NEBL: variants seen among roughly 807,000 people sequenced by gnomAD.
The protein encoded by NEBL is LIM and SH3 protein 2.
A neutral mutation model predicts 140.2 loss-of-function variants in NEBL; 122 were observed. That is an observed-to-expected ratio of 0.87 (90% CI 0.75 to 1.01). The LOEUF (loss-of-function observed/expected upper bound fraction) is 1.01, where lower values mean the gene tolerates loss of function less well. NEBL is among the 50% of genes least tolerant of loss of function. The pLI is 0.00. For missense variants in NEBL, 1,365 were observed against 1,231.3 expected (o/e 1.11, Z -1.62); for synonymous variants, 436 against 398.9 (o/e 1.09, Z -1.11).
chr10:21,055,844 G>A (rs2119242), intron 2 of NEBL, among the ~76,000 whole-genome samples: 19,303 of 152,194 alleles, frequency 0.13, 1,502 homozygotes, highest in East Asian at 0.26. Flanking sequence ...GCGTGAGAAT[G>A]AAAAGAAATG....
chr10:21,292,023 T>C (rs991356791), intron 1 of NEBL, among the ~76,000 whole-genome samples: 1 of 152,230 alleles, frequency 6.6e-6, no homozygotes, highest in Admixed American at 6.5e-5. Context: ...TCCAAAAAAG[T>C]ATAAACACAG....
chr10:21,274,059 T>C (rs1842889679), intron 1 of NEBL, among the ~76,000 whole-genome samples: 1 of 152,174 alleles, frequency 6.6e-6, no homozygotes, highest in African/African-American at 2.4e-5. Flanking sequence ...GTTACTTCCA[T>C]GAGTAGGTTA....
intron 2 of NEBL, among the ~76,000 whole-genome samples, chr10:21,069,767 C>T (rs1271963787): frequency 6.6e-6 from 1 of 152,164 alleles, no homozygotes; most frequent in Non-Finnish European, 1.5e-5. Context: ...TAGAACAAAA[C>T]AAAGCACAGA....
intron 17 of NEBL, among the ~76,000 whole-genome samples, chr10:20,828,127 T>C (rs1840067720): frequency 6.6e-6 from 1 of 151,800 alleles, no homozygotes; most frequent in South Asian, 2.1e-4. Flanking sequence ...AATAAAAATA[T>C]AGAAGTTTAG....
intron 2 of NEBL, among the ~76,000 whole-genome samples, chr10:21,061,490 T>C (rs1160277303): frequency 6.7e-6 from 1 of 148,366 alleles, no homozygotes; most frequent in Non-Finnish European, 1.5e-5. Context: ...ACATCATATA[T>C]GATATATCAT....
rs1032242421 is a variant in NEBL at position 21,097,224 on chromosome 10, G to C, written c.164+75159C>G. 2.1e-4 allele frequency among the ~76,000 whole-genome samples: 31 copies of C among 149,230 alleles called. 1 individual carries two copies. In the East Asian group the frequency reaches 2.4e-3, roughly 12 times the overall value. On this transcript the variant is annotated intron_variant, in intron 2 of 6. Coordinates refer to the NEBL transcript ENST00000417816. The stretch of plus-strand genomic sequence containing the variant: ...TCCCAGCACTTTGGGAGGTCCGGGG[G>C]GGGGGTGGGGCAGATCACAAGGTCA...
chr10:21,056,230 C>G (rs936996476), intron 2 of NEBL, among the ~76,000 whole-genome samples: 6 of 152,180 alleles, frequency 3.9e-5, no homozygotes, highest in Non-Finnish European at 8.8e-5. Context: ...ACACCCAGAT[C>G]CCTGATTGCA....
chr10:21,246,344 T>C (rs1416419345), intron 3 of NEBL, among the ~76,000 whole-genome samples: 1 of 152,242 alleles, frequency 6.6e-6, no homozygotes, highest in East Asian at 1.9e-4. Flanking sequence ...TATAACCCAG[T>C]AATCCCACTG....
intron 4 of NEBL, among the ~76,000 whole-genome samples, chr10:20,932,351 C>T (rs1938495759): frequency 6.6e-6 from 1 of 151,698 alleles, no homozygotes; most frequent in African/African-American, 2.4e-5. Context: ...TTCTCACTCA[C>T]AAGTGGGAGT....
chr10:21,050,159 G>T (rs1273651877), intron 2 of NEBL, among the ~76,000 whole-genome samples: 1 of 152,092 alleles, frequency 6.6e-6, no homozygotes, highest in South Asian at 2.1e-4. Flanking sequence ...ATCTATCTTT[G>T]GTTTCACCAG....
In NEBL at chr10:21,155,204, C is replaced by A. The variant is rs116242601; in HGVS notation, c.164+17179G>T. Among the ~76,000 whole-genome samples the A allele has an allele frequency of 6.2e-3, 940 of 152,166 alleles. 7 individuals carry two copies. Among genetic ancestry groups the A allele is most frequent in the African/African-American group, 0.017 (701 of 41,532 alleles). ...ACAGAGCAAGACTCCCTCACACACA[C>A]AAAAAAATTTTTTAGTAATCACATC... is the stretch of plus-strand genomic sequence containing the variant. On this transcript the variant is annotated intron_variant, in intron 2 of 6. Coordinates refer to the NEBL transcript ENST00000417816.
At chr10:20,959,991 T>A (rs1236709232) in intron 4 of NEBL, among the ~76,000 whole-genome samples, 1 of 152,048 alleles carries the variant, frequency 6.6e-6, no homozygotes, top group Non-Finnish European at 1.5e-5. Flanking sequence ...TTGAATAAAA[T>A]GTATATTCCT....
intron 19 of NEBL, among the ~76,000 whole-genome samples, chr10:20,822,745 A>T (rs1456030097): frequency 3.3e-5 from 5 of 152,124 alleles, no homozygotes; most frequent in Non-Finnish European, 5.9e-5. Flanking sequence ...GACAAAACAA[A>T]AAAGAAAATA....
intron 4 of NEBL, among the ~76,000 whole-genome samples, chr10:20,909,869 C>A (rs984670311): frequency 1.3e-5 from 2 of 151,876 alleles, no homozygotes; most frequent in African/African-American, 4.8e-5. Flanking sequence ...TGATCCAAAG[C>A]ACATATAGTG....
chr10:21,147,293 C>A (rs12243039), intron 2 of NEBL, among the ~76,000 whole-genome samples: 7,498 of 152,120 alleles, frequency 0.049, 428 homozygotes, highest in African/African-American at 0.14. Context: ...AAACTAGGAA[C>A]CTTCGCCCAG....
At chr10:21,053,831 G>A (rs1286649941) in intron 2 of NEBL, among the ~76,000 whole-genome samples, 1 of 152,122 alleles carries the variant, frequency 6.6e-6, no homozygotes, top group African/African-American at 2.4e-5. Flanking sequence ...TCAAGAGTTC[G>A]ATACTAGCCT....
rs778938730 is a variant in NEBL, at chr10:20,835,517, C to T, written c.1445G>A (p.Ser482Asn). The T allele has an allele frequency of 1.2e-6, 2 of 1,608,928 alleles. No homozygotes were observed. The highest frequency in any genetic ancestry group is 1.7e-5 in the Admixed American group (1 of 60,000). Residue 482 changes from serine to asparagine, a missense_variant, in exon 14 of 28, where the codon AGT becomes AAT. This residue lies in a region of NEBL where 1,323 missense variants were observed against 1,154.8 expected (regional missense o/e 1.15). Coordinates refer to ENST00000377122, the MANE Select transcript of NEBL (RefSeq NM_006393.3). The part of the protein sequence containing the change: ...QHAKKAAEIA[S>N]EKDYKRDLET... ...TGCATCACGCACCCTACTAACCTCA[C>T]TCGCTATCTCTGCAGCCTTCTTGGC...
At chr10:21,220,715 TATGGA>T (rs1313799163) in intron 3 of NEBL, among the ~76,000 whole-genome samples, 7 of 152,214 alleles carry the variant, frequency 4.6e-5, no homozygotes, top group African/African-American at 1.7e-4. Flanking sequence ...AGAGATAACC[TATGGA>T]ATGGGAGAAA....
At chr10:20,996,978 A>G (rs1837692099) in intron 3 of NEBL, among the ~76,000 whole-genome samples, 1 of 152,166 alleles carries the variant, frequency 6.6e-6, no homozygotes, top group Non-Finnish European at 1.5e-5. Context: ...ACAGTTCATC[A>G]TACATAATCT....
Sources: allele counts gnomAD v4.1 joint callset (sites outside exome capture counted in the v4.1 genomes callset), GRCh38; gene constraint gnomAD v4.1.1; regional missense constraint gnomAD v4.1.1; transcripts MANE v1.5; gene names NCBI Gene and HGNC (gene_info 2026-07-23, HGNC 2026-07-21).